The following RABGAP1L variants were observed in gnomAD, a reference collection of about 807,000 sequenced individuals.
The protein encoded by RABGAP1L is rab GTPase-activating protein 1-like.
Under a neutral mutation model 137.7 loss-of-function variants are expected in RABGAP1L, and 63 were observed. That is an observed-to-expected ratio of 0.46 (90% confidence interval 0.37 to 0.56). The LOEUF (loss-of-function observed/expected upper bound fraction) is 0.56, where lower values mean the gene tolerates loss of function less well. Among genes scored for constraint, RABGAP1L ranks in the 20% least tolerant of loss-of-function variants. The probability of loss-of-function intolerance (pLI) is 0.00; values close to 1 mark genes in which losing one functional copy is unlikely to be tolerated. For missense variants in RABGAP1L, 1,095 were observed against 1,244.0 expected, an observed-to-expected ratio of 0.88 and a Z score of 1.80; for synonymous variants, 431 against 433.7, an observed-to-expected ratio of 0.99 and a Z score of 0.08.
chr1:174,322,724 C>G (rs1461427500), intron 11 of RABGAP1L, among the ~76,000 whole-genome samples: 1 of 152,056 alleles, frequency 6.6e-6, no homozygotes, highest in Non-Finnish European at 1.5e-5. Flanking sequence ...TAGAAGACTT[C>G]CAAGAACAGT....
At chr1:174,603,776 G>T (rs1431763537) in intron 13 of RABGAP1L, among the ~76,000 whole-genome samples, 1 of 152,076 alleles carries the variant, frequency 6.6e-6, no homozygotes, top group Admixed American at 6.5e-5. Context: ...AATGCCGCCA[G>T]AACTGGGTTC....
chr1:174,813,471 G>A (rs550371009), intron 19 of RABGAP1L, among the ~76,000 whole-genome samples: 2 of 152,248 alleles, frequency 1.3e-5, no homozygotes, highest in Admixed American at 6.5e-5. Flanking sequence ...AGGCACCAGA[G>A]CCACTGTAAC....
intron 13 of RABGAP1L, among the ~76,000 whole-genome samples, chr1:174,423,491 T>G (rs1298883730): frequency 6.8e-6 from 1 of 147,474 alleles, no homozygotes; most frequent in Non-Finnish European, 1.5e-5. Flanking sequence ...TAATCTCAAA[T>G]GAACTGCATA....
At chr1:174,559,662 G>A (rs182538859) in intron 13 of RABGAP1L, among the ~76,000 whole-genome samples, 58 of 152,218 alleles carry the variant, frequency 3.8e-4, no homozygotes, top group African/African-American at 1.2e-3. Flanking sequence ...TCCATTTCAC[G>A]TCTTTCCTAA....
rs1414833205 is a variant in RABGAP1L at position 174,761,594 on chromosome 1, G to A, written c.2211+9240G>A. On this transcript the variant is annotated intron_variant, in intron 18 of 25. Coordinates refer to ENST00000681986, the MANE Select transcript of RABGAP1L (RefSeq NM_001366446.1). The surrounding 1 kb of genome is among the most constrained non-coding windows in gnomAD (Gnocchi z 4.0). ...GCGCTCCTCATTTTTCAGACGGTGC[G>A]GCCGCCAGGCAGAGGCACTCCTCAC... is the stretch of plus-strand genomic sequence containing the variant. Among the ~76,000 whole-genome samples the A allele has an allele frequency of 1.3e-5, 2 of 151,128 alleles. No homozygotes were observed. The highest frequency in any genetic ancestry group is 2.4e-5 in the African/African-American group (1 of 41,082).
At chr1:174,438,906 T>A (rs1653795608) in intron 13 of RABGAP1L, among the ~76,000 whole-genome samples, 1 of 151,568 alleles carries the variant, frequency 6.6e-6, no homozygotes, top group Non-Finnish European at 1.5e-5. Flanking sequence ...TTTCCTACTG[T>A]TTCTTACAAG....
chr1:174,499,855 C>A lies in RABGAP1L; in HGVS notation c.1710+105710C>A, dbSNP rs572926788. On this transcript the variant is annotated intron_variant, in intron 13 of 25. Coordinates refer to ENST00000681986, the MANE Select transcript of RABGAP1L (RefSeq NM_001366446.1). ...AGCTTTCTCTCTCTGTTTTCAATTT[C>A]TGTTCCTGGGACTCTCTTTTAAGTT... 3.9e-5 allele frequency among the ~76,000 whole-genome samples: 6 copies of A among 152,230 alleles called. No homozygotes were observed. The South Asian group carries it at 1.2e-3, about 32-fold the overall frequency.
chr1:174,336,560 C>T (rs1170676068), intron 11 of RABGAP1L, among the ~76,000 whole-genome samples: 1 of 152,150 alleles, frequency 6.6e-6, no homozygotes, highest in Non-Finnish European at 1.5e-5. Flanking sequence ...TTTAAATGTG[C>T]ACATGCATTA....
At chr1:174,293,568 G>A (rs1676829209) in intron 10 of RABGAP1L, among the ~76,000 whole-genome samples, 1 of 152,036 alleles carries the variant, frequency 6.6e-6, no homozygotes, top group African/African-American at 2.4e-5. Context: ...GTCCTTATTG[G>A]TAGTGACTTT....
chr1:174,695,586 C>A (rs1679186574), intron 15 of RABGAP1L, among the ~76,000 whole-genome samples: 1 of 152,170 alleles, frequency 6.6e-6, no homozygotes, highest in South Asian at 2.1e-4. Flanking sequence ...ACATATCTCT[C>A]ACTCCAGGAT....
chr1:174,839,031 G>GTGTGTGTGTGTGTC (rs907594811), intron 19 of RABGAP1L, among the ~76,000 whole-genome samples: 1 of 130,058 alleles, frequency 7.7e-6, no homozygotes, highest in African/African-American at 3.1e-5. Flanking sequence ...TTTTTTACGT[G>GTGTGTGTGTGTGTC]TGTGTGTGTG....
intron 20 of RABGAP1L, among the ~76,000 whole-genome samples, chr1:174,968,316 G>T (rs1669824558): frequency 6.6e-6 from 1 of 152,178 alleles, no homozygotes; most frequent in Non-Finnish European, 1.5e-5. Flanking sequence ...AAGGTCTCAT[G>T]ACATTAGTCT....
At chr1:174,468,643 A>G (rs1390941271) in intron 13 of RABGAP1L, among the ~76,000 whole-genome samples, 2 of 152,242 alleles carry the variant, frequency 1.3e-5, no homozygotes, top group Non-Finnish European at 2.9e-5. Flanking sequence ...AATATTGAGC[A>G]TTATATCCCT....
intron 13 of RABGAP1L, among the ~76,000 whole-genome samples, chr1:174,406,735 C>T (rs983815963): frequency 2.7e-4 from 41 of 152,236 alleles, no homozygotes; most frequent in African/African-American, 8.4e-4. Flanking sequence ...GAGTTAAAGA[C>T]GCTGTCTCTA....
intron 13 of RABGAP1L, among the ~76,000 whole-genome samples, chr1:174,495,622 A>G (rs1171961219): frequency 6.6e-6 from 1 of 152,222 alleles, no homozygotes; most frequent in African/African-American, 2.4e-5. Flanking sequence ...CTGTATACAC[A>G]AACAGTACAT....
At chr1:174,170,232 T>C (rs1665242965) in intron 1 of RABGAP1L, among the ~76,000 whole-genome samples, 1 of 152,220 alleles carries the variant, frequency 6.6e-6, no homozygotes, top group Non-Finnish European at 1.5e-5. Context: ...AACCATGAGC[T>C]AATATTGAGT....
intron 18 of RABGAP1L, among the ~76,000 whole-genome samples, chr1:174,772,822 G>A (rs1445363699): frequency 6.6e-6 from 1 of 152,010 alleles, no homozygotes; most frequent in Non-Finnish European, 1.5e-5. Context: ...CCTCATGTAA[G>A]TGGAATTATA....
Position 174,780,112 on chromosome 1 carries a change from AAATAAATT to A in RABGAP1L, c.2211+27761_2211+27768del, listed in dbSNP as rs1476221997. 8.8e-4 allele frequency among the ~76,000 whole-genome samples: 112 copies of A among 126,584 alleles called. 2 individuals are homozygous for A. Among genetic ancestry groups the A allele is most frequent in the Admixed American group, 1.8e-3 (22 of 12,482 alleles). The allele number at this position is 126,584 out of a possible 152,430, so 83.0% of individuals were successfully genotyped here. ...TAAATAAATAAATAAATAAATAAAT[AAATAAATT>A]AAATAAGCCCTAATTAAAATTTCCC... is the stretch of plus-strand genomic sequence containing the variant. On this transcript the variant is annotated intron_variant, in intron 18 of 25. Transcript: ENST00000681986.
At chr1:174,930,545 G>A (rs1663623566) in intron 19 of RABGAP1L, among the ~76,000 whole-genome samples, 1 of 151,980 alleles carries the variant, frequency 6.6e-6, no homozygotes, top group Admixed American at 6.6e-5. Flanking sequence ...TTAAACTCCT[G>A]GACTCCAGCA....
Sources: allele counts gnomAD v4.1 joint callset (sites outside exome capture counted in the v4.1 genomes callset), GRCh38; gene constraint gnomAD v4.1.1; non-coding constraint Gnocchi (gnomAD v3.1); transcripts MANE v1.5; gene names NCBI Gene and HGNC (gene_info 2026-07-23, HGNC 2026-07-21).